Variants in CACHD1 observed in about 807,000 individuals in gnomAD.
The protein encoded by CACHD1 is cache domain containing 1, also known as VWFA and cache domain-containing protein 1.
Under a neutral mutation model 138.7 loss-of-function variants are expected in CACHD1, and 71 were observed. The ratio of observed to expected loss-of-function variants is 0.51; its 90% CI spans 0.42 to 0.62. The LOEUF is 0.62. Ranked by LOEUF, CACHD1 falls within the 20% of genes least tolerant of loss-of-function variation. The pLI is 0.00. For synonymous variants in CACHD1, 578 were observed against 591.5 expected, an observed-to-expected ratio of 0.98 and a Z score of 0.33; for missense variants, 1,389 against 1,625.3, an observed-to-expected ratio of 0.85 and a Z score of 2.50.
intron 3 of CACHD1, among the ~76,000 whole-genome samples, chr1:64,597,524 G>GTTTTTT (rs34162933): frequency 2.5e-5 from 2 of 80,400 alleles, no homozygotes; most frequent in African/African-American, 9.5e-5. Flanking sequence ...TTTTTTTGTT[G>GTTTTTT]TTTTTTTTTT....
chr1:64,665,746 G>T (rs914835586), intron 15 of CACHD1, among the ~76,000 whole-genome samples: 2 of 152,144 alleles, frequency 1.3e-5, no homozygotes, highest in Non-Finnish European at 2.9e-5. Context: ...GCCGGGTGCG[G>T]TGACTCACAC....
chr1:64,523,656 G>T lies in CACHD1; in HGVS notation c.199-26938G>T, dbSNP rs116818081. On this transcript the variant is annotated intron_variant, in intron 1 of 26. Coordinates refer to ENST00000651257, the MANE Select transcript of CACHD1 (RefSeq NM_020925.4). Reference sequence around the variant, plus strand: ...TTGATGTTAATCAGCCATGCCCTTGGTTGCAGGGTTATGTGAGTCTTTTTC... The same window carrying T: ...TTGATGTTAATCAGCCATGCCCTTGTTTGCAGGGTTATGTGAGTCTTTTTC... Among the ~76,000 whole-genome samples, 1,383 of 152,260 alleles carry T rather than the reference G, an allele frequency of 9.1e-3. 27 individuals carry two copies. The highest frequency in any genetic ancestry group is 0.032 in the African/African-American group (1,320 of 41,554).
At chr1:64,518,826 G>A (rs1032502776) in intron 1 of CACHD1, among the ~76,000 whole-genome samples, 7 of 152,106 alleles carry the variant, frequency 4.6e-5, no homozygotes, top group Non-Finnish European at 5.9e-5. Flanking sequence ...ACATCAGCAT[G>A]CCTAGTGTGG....
chr1:64,692,833 A>G lies in CACHD1; in HGVS notation c.*1272A>G, dbSNP rs1371004917. On this transcript the variant is annotated 3_prime_UTR_variant, in exon 27 of 27. Transcript: ENST00000651257. The stretch of plus-strand genomic sequence containing the variant: ...TGTGATTCAAATATGTTATAAAGGC[A>G]TTCTTGCACCATGGTAAAGAATGTG... 1 of 152,644 alleles carries G rather than the reference A, an allele frequency of 6.6e-6. No homozygotes were observed. Among genetic ancestry groups the G allele is most frequent in the East Asian group, 1.9e-4 (1 of 5,206 alleles). 9.5% of individuals were successfully genotyped at this position (152,644 alleles called of 1,614,324 possible). A position where few individuals can be genotyped will look rare whatever the true frequency, so the allele number is the denominator to read the frequency against.
intron 1 of CACHD1, among the ~76,000 whole-genome samples, chr1:64,537,689 G>T (rs1355204178): frequency 1.3e-5 from 2 of 152,174 alleles, no homozygotes; most frequent in Admixed American, 1.3e-4. Context: ...AGTCCCAAAT[G>T]ACATTATTTC....
chr1:64,551,573 T>C (rs1646759303), intron 2 of CACHD1, among the ~76,000 whole-genome samples: 1 of 152,210 alleles, frequency 6.6e-6, no homozygotes, highest in African/African-American at 2.4e-5. Context: ...AAGATAACTA[T>C]AGTAAACTGC....
intron 5 of CACHD1, among the ~76,000 whole-genome samples, chr1:64,631,869 G>A (rs1648317574): frequency 6.6e-6 from 1 of 152,126 alleles, no homozygotes; most frequent in African/African-American, 2.4e-5. Flanking sequence ...CAGATAAGGG[G>A]CCTTTTGGTG....
intron 1 of CACHD1, among the ~76,000 whole-genome samples, chr1:64,549,025 T>C (rs1334618429): frequency 6.6e-6 from 1 of 152,122 alleles, no homozygotes; most frequent in African/African-American, 2.4e-5. Flanking sequence ...GATTTGGGGG[T>C]ATGTTATTTA....
chr1:64,561,814 T>G (rs1570367506), intron 2 of CACHD1, among the ~76,000 whole-genome samples: 1 of 143,756 alleles, frequency 7.0e-6, no homozygotes, highest in Admixed American at 7.3e-5. Context: ...ACTGTGATGA[T>G]GCCGCTGCAC....
At chr1:64,530,933 G>T (rs114324193) in intron 1 of CACHD1, among the ~76,000 whole-genome samples, 15,326 of 129,516 alleles carry the variant, frequency 0.12, 2,581 homozygotes, top group African/African-American at 0.42. Context: ...GTTTTTTTTT[G>T]TTTTTTTTTT....
rs560286797 is a variant in CACHD1 at position 64,585,769 on chromosome 1, C to G, written c.410+3465C>G. ...AGGACTCCCTTCAATTATACTGTGT[C>G]TACTTGGCTTTGAATGGAGCCCACT... On this transcript the variant is annotated intron_variant, in intron 3 of 26. Coordinates refer to ENST00000651257, the MANE Select transcript of CACHD1 (RefSeq NM_020925.4). Among the ~76,000 whole-genome samples, 5 of 152,326 alleles carry G rather than the reference C, an allele frequency of 3.3e-5. No homozygotes were observed. The South Asian group carries it at 8.3e-4, about 25-fold the overall frequency.
At chr1:64,482,686 G>A (rs1646218191) in intron 1 of CACHD1, among the ~76,000 whole-genome samples, 1 of 152,156 alleles carries the variant, frequency 6.6e-6, no homozygotes. Context: ...AGTCTTCAGG[G>A]GGGTTAGCCT....
At chr1:64,489,929 C>A (rs1261231216) in intron 1 of CACHD1, among the ~76,000 whole-genome samples, 1 of 152,158 alleles carries the variant, frequency 6.6e-6, no homozygotes, top group Non-Finnish European at 1.5e-5. Flanking sequence ...GCACTGCATA[C>A]CATGCTAAGC....
At chr1:64,546,113 C>G (rs1371429596) in intron 1 of CACHD1, among the ~76,000 whole-genome samples, 1 of 152,144 alleles carries the variant, frequency 6.6e-6, no homozygotes, top group African/African-American at 2.4e-5. Flanking sequence ...GGAGAGTTAA[C>G]TTCTGACTCC....
chr1:64,585,890 A>G (rs1647047573), intron 3 of CACHD1, among the ~76,000 whole-genome samples: 1 of 152,198 alleles, frequency 6.6e-6, no homozygotes, highest in East Asian at 1.9e-4. Flanking sequence ...AAATTACAGG[A>G]ACTCCTCAGT....
At chr1:64,570,737 T>G (rs968906318) in intron 2 of CACHD1, among the ~76,000 whole-genome samples, 2 of 152,126 alleles carry the variant, frequency 1.3e-5, no homozygotes, top group Non-Finnish European at 2.9e-5. Flanking sequence ...CAGGCAAATA[T>G]CCTCATTCCT....
At chr1:64,679,460 T>C in intron 23 of CACHD1, 135 bp from the exon 24 acceptor site, 1 of 956,244 alleles carries the variant, frequency 1.0e-6, no homozygotes, top group Non-Finnish European at 1.6e-6. Flanking sequence ...TTTGAGGAAC[T>C]CAAAGCCTAA....
At chr1:64,522,990 A>C (rs1646509793) in intron 1 of CACHD1, among the ~76,000 whole-genome samples, 1 of 152,218 alleles carries the variant, frequency 6.6e-6, no homozygotes, top group Non-Finnish European at 1.5e-5. Flanking sequence ...GTGCTGGCAC[A>C]GTTTTAAAAC....
intron 8 of CACHD1, among the ~76,000 whole-genome samples, chr1:64,642,783 G>A (rs374144972): frequency 3.3e-5 from 5 of 150,870 alleles, no homozygotes; most frequent in South Asian, 2.1e-4. Flanking sequence ...GGTGATTCAC[G>A]CCTGTAATCC....
Sources: allele counts gnomAD v4.1 joint callset (sites outside exome capture counted in the v4.1 genomes callset), GRCh38; gene constraint gnomAD v4.1.1; transcripts MANE v1.5; gene names NCBI Gene and HGNC (gene_info 2026-07-23, HGNC 2026-07-21).